LUZP2: variants seen among roughly 807,000 people sequenced by gnomAD.
LUZP2 encodes the protein leucine zipper protein 2.
In LUZP2, 52 loss-of-function variants were observed where a neutral mutation model predicts 51.6. The observed-to-expected ratio is 1.01, with a 90% CI of 0.81 to 1.27. The LOEUF (loss-of-function observed/expected upper bound fraction) is 1.27. Among genes scored for constraint, LUZP2 ranks in the 50% most tolerant of loss-of-function variants. The probability of loss-of-function intolerance (pLI) is 0.00; values close to 1 mark genes in which losing one functional copy is unlikely to be tolerated. For missense variants in LUZP2, 436 were observed against 395.4 expected, an observed-to-expected ratio of 1.10 and a Z score of -0.87; for synonymous variants, 154 against 137.3, an observed-to-expected ratio of 1.12 and a Z score of -0.85.
At position 25,079,266 on chromosome 11, in the gene LUZP2, A is replaced by G. The variant is rs1320779578; in HGVS notation, c.*608A>G. 3 of 152,392 alleles carry G rather than the reference A, an allele frequency of 2.0e-5. No homozygotes were observed. The highest frequency in any genetic ancestry group is 2.9e-5 in the Non-Finnish European group (2 of 68,052). 9.4% of individuals were successfully genotyped at this position (152,392 alleles called of 1,614,324 possible). A position where few individuals can be genotyped will look rare whatever the true frequency, so the allele number is the denominator to read the frequency against. ...TAATTCATTAAGTATGTTTGGCATC[A>G]TATGGACAAAATATTTGGATGAATG... On this transcript the variant is annotated 3_prime_UTR_variant, in exon 12 of 12. Transcript: ENST00000336930.
At chr11:24,935,042 C>T (rs974868952) in intron 7 of LUZP2, among the ~76,000 whole-genome samples, 2 of 152,160 alleles carry the variant, frequency 1.3e-5, no homozygotes. Flanking sequence ...AAGAATAAGG[C>T]ACAAGTCAGG....
chr11:24,789,662 C>A (rs895423133), intron 5 of LUZP2, among the ~76,000 whole-genome samples: 3 of 152,138 alleles, frequency 2.0e-5, no homozygotes, highest in African/African-American at 7.2e-5. Context: ...AAATTGATTT[C>A]TCACAGTTCC....
chr11:24,554,827 G>A (rs1851819636), intron 1 of LUZP2, among the ~76,000 whole-genome samples: 1 of 151,092 alleles, frequency 6.6e-6, no homozygotes, highest in African/African-American at 2.4e-5. Context: ...GGTAATGATG[G>A]TGTAAACAGT....
rs182366514 is a variant in LUZP2 at position 24,920,725 on chromosome 11, A to G, written c.522+6187A>G. 5.9e-3 allele frequency among the ~76,000 whole-genome samples: 899 copies of G among 152,168 alleles called. 8 individuals are homozygous for G. Among genetic ancestry groups the G allele is most frequent in the Non-Finnish European group, 0.011 (724 of 67,946 alleles). The stretch of plus-strand genomic sequence containing the variant: ...AAAAACCTGCATGTTCTCACTTAAA[A>G]ATGGAAGCTAAATAATGTGTACACA... On this transcript the variant is annotated intron_variant, in intron 7 of 11. Transcript: ENST00000336930.
At chr11:24,524,194 C>T (rs2036751) in intron 1 of LUZP2, among the ~76,000 whole-genome samples, 148,636 of 151,864 alleles carry the variant, frequency 0.98, 72,798 homozygotes, top group East Asian at 1. Flanking sequence ...CAGAAAATAA[C>T]GTATTAAAAT....
chr11:24,819,808 T>G (rs1850302305), intron 5 of LUZP2, among the ~76,000 whole-genome samples: 2 of 152,130 alleles, frequency 1.3e-5, no homozygotes, highest in South Asian at 4.1e-4. Context: ...AGAGTTAAGT[T>G]TTACAGTTGT....
intron 5 of LUZP2, among the ~76,000 whole-genome samples, chr11:24,901,409 A>G (rs1218196930): frequency 6.6e-6 from 1 of 152,262 alleles, no homozygotes; most frequent in East Asian, 1.9e-4. Flanking sequence ...TTAAAAAAAA[A>G]AAAAGGTAAC....
intron 10 of LUZP2, among the ~76,000 whole-genome samples, chr11:25,056,044 T>C (rs1858676811): frequency 6.6e-6 from 1 of 152,154 alleles, no homozygotes; most frequent in Non-Finnish European, 1.5e-5. Context: ...ATTATATACT[T>C]TAATTAATTT....
chr11:24,670,589 A>G (rs1047643088), intron 1 of LUZP2, among the ~76,000 whole-genome samples: 1 of 152,034 alleles, frequency 6.6e-6, no homozygotes, highest in Admixed American at 6.6e-5. Flanking sequence ...GAAAACACAC[A>G]GACACACACA....
At position 24,809,918 on chromosome 11, in the gene LUZP2, T is replaced by G. The variant is rs1849967832; in HGVS notation, c.396+46610T>G. Among the ~76,000 whole-genome samples, 3 of 152,162 alleles carry G rather than the reference T, an allele frequency of 2.0e-5. No individual in the cohort carries two copies. The South Asian group carries it at 6.2e-4, about 32-fold the overall frequency. ...TTACCTAGAATTTTCTTTATATAGT[T>G]ATATAATAGGGAAATATAGCTATTA... On this transcript the variant is annotated intron_variant, in intron 5 of 11. Coordinates refer to ENST00000336930, the MANE Select transcript of LUZP2 (RefSeq NM_001009909.4).
At chr11:24,535,984 C>T (rs1851165099) in intron 1 of LUZP2, among the ~76,000 whole-genome samples, 2 of 151,684 alleles carry the variant, frequency 1.3e-5, no homozygotes, top group Admixed American at 1.3e-4. Flanking sequence ...TGTTAGCAGA[C>T]ATAAAAGCAA....
intron 1 of LUZP2, among the ~76,000 whole-genome samples, chr11:24,569,018 C>T (rs1371026647): frequency 6.6e-6 from 1 of 151,734 alleles, no homozygotes; most frequent in African/African-American, 2.4e-5. Context: ...AAAGACAAAA[C>T]AAAACAGAAG....
intron 9 of LUZP2, among the ~76,000 whole-genome samples, chr11:25,005,976 G>A (rs765524787): frequency 1.3e-5 from 2 of 152,068 alleles, no homozygotes; most frequent in Non-Finnish European, 2.9e-5. Context: ...GTGAGGGGAG[G>A]GATCTCCAGA....
chr11:24,911,074 G>A (rs865920934), intron 6 of LUZP2, among the ~76,000 whole-genome samples: 3 of 152,286 alleles, frequency 2.0e-5, no homozygotes, highest in Non-Finnish European at 2.9e-5. Flanking sequence ...TTGGCTTTCA[G>A]CATTGCATGG....
intron 1 of LUZP2, among the ~76,000 whole-genome samples, chr11:24,529,998 T>G (rs1850944197): frequency 6.6e-6 from 1 of 150,966 alleles, no homozygotes; most frequent in Non-Finnish European, 1.5e-5. Flanking sequence ...AAACACTTCA[T>G]TTTTAGGTTA....
At chr11:24,853,358 C>A (rs1189818175) in intron 5 of LUZP2, among the ~76,000 whole-genome samples, 1 of 151,782 alleles carries the variant, frequency 6.6e-6, no homozygotes, top group Non-Finnish European at 1.5e-5. Flanking sequence ...ATATAAAATT[C>A]TTCATTAAGT....
intron 5 of LUZP2, among the ~76,000 whole-genome samples, chr11:24,809,920 T>C (rs897989933): frequency 2.0e-5 from 3 of 152,154 alleles, no homozygotes; most frequent in Non-Finnish European, 4.4e-5. Flanking sequence ...TATATAGTTA[T>C]ATAATAGGGA....
At position 25,078,703 on chromosome 11, in the gene LUZP2, A is replaced by C; in HGVS notation, c.*45A>C. On this transcript the variant is annotated 3_prime_UTR_variant, in exon 12 of 12. Coordinates refer to ENST00000336930, the MANE Select transcript of LUZP2 (RefSeq NM_001009909.4). ...AAAACGTCCATTTGCTATTGTCTTC[A>C]TATTCTTTTTAGACCACAAGCTTGA... is the stretch of plus-strand genomic sequence containing the variant. 1 of 1,422,898 alleles carries C rather than the reference A, an allele frequency of 7.0e-7. No homozygotes were observed. Among genetic ancestry groups the C allele is most frequent in the South Asian group, 1.2e-5 (1 of 81,206 alleles). 88.1% of individuals were successfully genotyped at this position (1,422,898 alleles called of 1,614,324 possible).
chr11:24,687,383 A>T (rs183845465), intron 1 of LUZP2, among the ~76,000 whole-genome samples: 29 of 152,280 alleles, frequency 1.9e-4, no homozygotes, highest in African/African-American at 6.0e-4. Context: ...ATGAGGTAGA[A>T]TTACACAGAA....
Sources: gnomAD v4.1 joint callset for allele counts (sites outside exome capture counted in the v4.1 genomes callset) on GRCh38, gnomAD v4.1.1 for gene constraint, MANE v1.5 for transcripts, NCBI Gene and HGNC (gene_info 2026-07-23, HGNC 2026-07-21) for gene names.